Variants in VSNL1 observed in about 807,000 individuals in gnomAD.
VSNL1 encodes the protein visinin-like protein 1.
In VSNL1, 6 loss-of-function variants were observed where a neutral mutation model predicts 20.4. The ratio of observed to expected loss-of-function variants is 0.29; its 90% confidence interval spans 0.16 to 0.58. The LOEUF is 0.58. Among genes scored for constraint, VSNL1 ranks in the 20% least tolerant of loss-of-function variants. VSNL1 has a pLI of 0.90. For synonymous variants in VSNL1, 93 were observed against 86.4 expected, an observed-to-expected ratio of 1.08 and a Z score of -0.42; for missense variants, 100 against 234.5, an observed-to-expected ratio of 0.43 and a Z score of 3.75.
intron 2 of VSNL1, among the ~76,000 whole-genome samples, chr2:17,624,852 A>G (rs1665471239): frequency 6.6e-6 from 1 of 152,258 alleles, no homozygotes; most frequent in African/African-American, 2.4e-5. Context: ...GTAATGTGTT[A>G]CAGCAGCAAC....
intron 2 of VSNL1, among the ~76,000 whole-genome samples, chr2:17,616,673 G>A (rs1175876785): frequency 6.6e-6 from 1 of 152,234 alleles, no homozygotes; most frequent in East Asian, 1.9e-4. Context: ...TCAGGGGCTA[G>A]CTGAGTATTC....
chr2:17,636,918 G>A (rs907821851), intron 2 of VSNL1, among the ~76,000 whole-genome samples: 1 of 152,208 alleles, frequency 6.6e-6, no homozygotes, highest in African/African-American at 2.4e-5. Flanking sequence ...CAGAAAGCCA[G>A]ACCTGGAACA....
chr2:17,552,625 T>C (rs1663571825), intron 1 of VSNL1, among the ~76,000 whole-genome samples: 1 of 152,168 alleles, frequency 6.6e-6, no homozygotes, highest in Admixed American at 6.5e-5. Flanking sequence ...ACATATCATT[T>C]TGTGTGTAAT....
At position 17,617,687 on chromosome 2, in the gene VSNL1, C is replaced by T. The variant is rs181618787; in HGVS notation, c.162+25451C>T. On this transcript the variant is annotated intron_variant, in intron 2 of 3. Coordinates refer to ENST00000295156, the MANE Select transcript of VSNL1 (RefSeq NM_003385.5). ...GTGCTGCCGAGAGCTGGGTGGTGAC[C>T]GCATCACACAGTGAGGAGCAACACT... Among the ~76,000 whole-genome samples, 335 of 152,032 alleles carry T rather than the reference C, an allele frequency of 2.2e-3. 1 individual carries two copies. Among genetic ancestry groups the T allele is most frequent in the African/African-American group, 6.3e-3 (261 of 41,454 alleles).
At chr2:17,632,642 C>T (rs543049834) in intron 2 of VSNL1, among the ~76,000 whole-genome samples, 14 of 152,190 alleles carry the variant, frequency 9.2e-5, no homozygotes, top group Admixed American at 4.6e-4. Context: ...GGTAGGTTTT[C>T]GGCTAATTAT....
At chr2:17,653,152 G>A (rs1171368173) in intron 3 of VSNL1, among the ~76,000 whole-genome samples, 1 of 152,152 alleles carries the variant, frequency 6.6e-6, no homozygotes, top group East Asian at 1.9e-4. Context: ...GGCATGCCCG[G>A]CCTTTGTGAT....
intron 2 of VSNL1, among the ~76,000 whole-genome samples, chr2:17,595,493 G>T (rs1348329298): frequency 6.6e-6 from 1 of 152,128 alleles, no homozygotes; most frequent in Non-Finnish European, 1.5e-5. Flanking sequence ...GTGATGAGAG[G>T]AAGACTTTTC....
chr2:17,578,818 T>C (rs1664279991), intron 1 of VSNL1, among the ~76,000 whole-genome samples: 1 of 152,264 alleles, frequency 6.6e-6, no homozygotes, highest in Admixed American at 6.5e-5. Flanking sequence ...AAGGACAGCA[T>C]AAGCCTAAAT....
At chr2:17,641,777 T>C (rs1224926068) in intron 2 of VSNL1, among the ~76,000 whole-genome samples, 1 of 152,148 alleles carries the variant, frequency 6.6e-6, no homozygotes, top group African/African-American at 2.4e-5. Context: ...GATCTAGATG[T>C]AGTTGTATAG....
chr2:17,609,620 T>A (rs193091449), intron 2 of VSNL1, among the ~76,000 whole-genome samples: 1 of 152,214 alleles, frequency 6.6e-6, no homozygotes, highest in African/African-American at 2.4e-5. Flanking sequence ...GGACTCACTC[T>A]GTATGCTTCT....
chr2:17,644,548 G>T (rs1665953565), intron 2 of VSNL1, among the ~76,000 whole-genome samples: 1 of 152,258 alleles, frequency 6.6e-6, no homozygotes, highest in Non-Finnish European at 1.5e-5. Flanking sequence ...GGAGGAGAAG[G>T]AGACTGCAGT....
chr2:17,545,268 A>G, intron 1 of VSNL1, among the ~76,000 whole-genome samples: 1 of 152,128 alleles, frequency 6.6e-6, no homozygotes, highest in Non-Finnish European at 1.5e-5. Context: ...AAAAAACTAG[A>G]TTAAAAATTA....
intron 1 of VSNL1, among the ~76,000 whole-genome samples, chr2:17,560,607 A>C (rs1213332262): frequency 6.6e-6 from 1 of 152,200 alleles, no homozygotes; most frequent in Non-Finnish European, 1.5e-5. Flanking sequence ...CTCACATTAC[A>C]TAAAATGAAT....
intron 2 of VSNL1, among the ~76,000 whole-genome samples, chr2:17,630,470 A>G (rs749167221): frequency 6.6e-6 from 1 of 152,248 alleles, no homozygotes; most frequent in Non-Finnish European, 1.5e-5. Flanking sequence ...CAAAGATGCC[A>G]GCTCTCCCTA....
intron 1 of VSNL1, among the ~76,000 whole-genome samples, chr2:17,574,562 T>C (rs1445253646): frequency 6.6e-6 from 1 of 152,164 alleles, no homozygotes; most frequent in African/African-American, 2.4e-5. Flanking sequence ...TCAAATACAG[T>C]CCATAGAATT....
intron 2 of VSNL1, among the ~76,000 whole-genome samples, chr2:17,609,617 C>A (rs573600307): frequency 6.6e-6 from 1 of 152,320 alleles, no homozygotes; most frequent in Admixed American, 6.5e-5. Flanking sequence ...AATGGACTCA[C>A]TCTGTATGCT....
At chr2:17,592,015 A>C in intron 1 of VSNL1, 55 bp from the exon 2 acceptor site, 1 of 1,605,612 alleles carries the variant, frequency 6.2e-7, no homozygotes, top group Non-Finnish European at 8.5e-7. Flanking sequence ...GCTCCTAACC[A>C]AGTTTGAAAT....
In VSNL1 at chr2:17,634,192, G is replaced by GT. The variant is rs1215747415; in HGVS notation, c.163-15217dup. ...AGACTTGCAGATGCGCTCACTCATT[G>GT]TAACAGCAGTGTGCAGGCGAGAATC... On this transcript the variant is annotated intron_variant, in intron 2 of 3. Coordinates refer to ENST00000295156, the MANE Select transcript of VSNL1 (RefSeq NM_003385.5). This position sits in a 1 kb window ranked among gnomAD's most constrained non-coding sequence, Gnocchi z 4.3. Among the ~76,000 whole-genome samples the GT allele has an allele frequency of 6.6e-6, 1 of 152,218 alleles. No individual in the cohort carries two copies. Among genetic ancestry groups the GT allele is most frequent in the Non-Finnish European group, 1.5e-5 (1 of 68,046 alleles).
intron 1 of VSNL1, among the ~76,000 whole-genome samples, chr2:17,565,105 T>C (rs1663906620): frequency 6.6e-6 from 1 of 152,180 alleles, no homozygotes; most frequent in Non-Finnish European, 1.5e-5. Flanking sequence ...TTACTGTCTA[T>C]GGTAAGAGCT....
Sources: gnomAD v4.1 joint callset for allele counts (sites outside exome capture counted in the v4.1 genomes callset) on GRCh38, gnomAD v4.1.1 for gene constraint, Gnocchi (gnomAD v3.1) non-coding constraint, MANE v1.5 for transcripts, NCBI Gene and HGNC (gene_info 2026-07-23, HGNC 2026-07-21) for gene names.